Variants in KAT6B observed in about 807,000 individuals in gnomAD.
KAT6B encodes the protein lysine acetyltransferase 6B.
Under a neutral mutation model 187.5 loss-of-function variants are expected in KAT6B, and 10 were observed. The ratio of observed to expected loss-of-function variants is 0.05; its 90% CI spans 0.03 to 0.09. The LOEUF is 0.09. KAT6B is among the 10% of genes least tolerant of loss of function. The pLI is 1.00. For missense variants in KAT6B, 1,952 were observed against 2,558.9 expected (o/e 0.76, Z 5.12); for synonymous variants, 861 against 926.8 (o/e 0.93, Z 1.29).
At chr10:74,949,785 T>C (rs1301901076) in intron 3 of KAT6B, among the ~76,000 whole-genome samples, 1 of 152,242 alleles carries the variant, frequency 6.6e-6, no homozygotes, top group African/African-American at 2.4e-5. Context: ...TGTTTCTAAA[T>C]GATTTCTTTA....
chr10:74,865,820 G>A (rs372376161), intron 3 of KAT6B, among the ~76,000 whole-genome samples: 43 of 152,256 alleles, frequency 2.8e-4, no homozygotes, highest in African/African-American at 1.0e-3. Flanking sequence ...CCCAGCCCCT[G>A]TATTATTTTC....
chr10:74,901,029 TAAATATCTTTTACACTTA>T (rs1260890292), intron 3 of KAT6B, among the ~76,000 whole-genome samples: 4 of 152,096 alleles, frequency 2.6e-5, no homozygotes, highest in Non-Finnish European at 5.9e-5. Flanking sequence ...TATAAAATCT[TAAATATCTTTTACACTTA>T]AAATATCTTT....
In KAT6B at chr10:75,029,294, G is replaced by A; in HGVS notation, c.4470G>A (p.Lys1490=). 1 of 1,614,138 alleles carries A rather than the reference G, an allele frequency of 6.2e-7. No individual in the cohort carries two copies. The highest frequency in any genetic ancestry group is 8.5e-7 in the Non-Finnish European group (1 of 1,180,020). Residue 1490 remains lysine (K), a synonymous_variant, in exon 18 of 18, where the codon AAG becomes AAA. Coordinates refer to ENST00000287239, the MANE Select transcript of KAT6B (RefSeq NM_012330.4). The surrounding 1 kb of genome is among the most constrained non-coding windows in gnomAD (Gnocchi z 6.2). ...CAGCTTCTTGTAACAGTGAGCCCAAGGAGCTTGCTGGGGACCCTGAAGCTG... is the reference window on the plus strand; with the variant it reads ...CAGCTTCTTGTAACAGTGAGCCCAAAGAGCTTGCTGGGGACCCTGAAGCTG... ...DLTASCNSEP[K]ELAGDPEAVP... is the part of the protein sequence containing the mutation.
rs1845791382 is a variant in KAT6B, at chr10:74,893,633, C to A, written c.621+50155C>A. Among the ~76,000 whole-genome samples, 5 of 151,964 alleles carry A rather than the reference C, an allele frequency of 3.3e-5. No individual in the cohort carries two copies. The South Asian group carries it at 1.0e-3, about 32-fold the overall frequency. On this transcript the variant is annotated intron_variant, in intron 3 of 17. Coordinates refer to ENST00000287239, the MANE Select transcript of KAT6B (RefSeq NM_012330.4). Reference sequence around the variant, plus strand: ...TACAGGCATGCACCACCACGCCCAGCTAATTTTTGTATTTTTAATAGAGAT... The same window carrying A: ...TACAGGCATGCACCACCACGCCCAGATAATTTTTGTATTTTTAATAGAGAT...
At chr10:74,870,682 G>T (rs1231735666) in intron 3 of KAT6B, among the ~76,000 whole-genome samples, 1 of 151,814 alleles carries the variant, frequency 6.6e-6, no homozygotes, top group Non-Finnish European at 1.5e-5. Context: ...GGGTTCAGGC[G>T]ATTCTCCTGC....
chr10:74,922,492 T>C (rs959284278), intron 3 of KAT6B, among the ~76,000 whole-genome samples: 1 of 152,188 alleles, frequency 6.6e-6, no homozygotes, highest in African/African-American at 2.4e-5. Context: ...AGCATACCAG[T>C]GTGCTCTTTA....
intron 3 of KAT6B, among the ~76,000 whole-genome samples, chr10:74,881,297 A>G (rs549278176): frequency 1.3e-5 from 2 of 152,160 alleles, no homozygotes; most frequent in South Asian, 4.1e-4. Flanking sequence ...TCGTTTTTCT[A>G]AGATTTGGGG....
Position 74,981,732 on chromosome 10 carries a change from TC to T in KAT6B, c.2232-49del, listed in dbSNP as rs966892893. 8.1e-6 allele frequency: 10 copies of T among 1,237,428 alleles called. No individual in the cohort carries two copies. The African/African-American group carries it at 8.9e-5, about 11-fold the overall frequency. The allele number at this position is 1,237,428 out of a possible 1,614,324, so 76.7% of individuals were successfully genotyped here. ...GAGAAAATTGAACAATATTTAATCT[TC>T]CCCCCAACAGTATAATCTATCTGAT... On this transcript the variant is annotated intron_variant, in intron 10 of 17. Coordinates refer to ENST00000287239, the MANE Select transcript of KAT6B (RefSeq NM_012330.4).
intron 3 of KAT6B, among the ~76,000 whole-genome samples, chr10:74,921,772 T>C (rs1848153519): frequency 6.6e-6 from 1 of 152,240 alleles, no homozygotes; most frequent in Non-Finnish European, 1.5e-5. Flanking sequence ...GGTTGTCAGA[T>C]TGACCTGATT....
chr10:75,008,175 A>C (rs939667903), intron 13 of KAT6B, among the ~76,000 whole-genome samples: 1 of 152,234 alleles, frequency 6.6e-6, no homozygotes, highest in African/African-American at 2.4e-5. Flanking sequence ...GATGGAGTAC[A>C]GAGAAAATAT....
rs138903272 is a variant in KAT6B, at chr10:74,857,978, G to A, written c.621+14500G>A. Among the ~76,000 whole-genome samples, 393 of 152,096 alleles carry A rather than the reference G, an allele frequency of 2.6e-3. 1 individual carries two copies. Among genetic ancestry groups the A allele is most frequent in the African/African-American group, 8.0e-3 (331 of 41,476 alleles). On this transcript the variant is annotated intron_variant, in intron 3 of 17. Coordinates refer to ENST00000287239, the MANE Select transcript of KAT6B (RefSeq NM_012330.4). ...TTGAGGCTGTAAGTGAGCTATGATC[G>A]TGCCACTGCACTCTAGCCTGGGCGA... is the stretch of plus-strand genomic sequence containing the variant.
intron 3 of KAT6B, among the ~76,000 whole-genome samples, chr10:74,955,708 T>G (rs1242268765): frequency 6.6e-6 from 1 of 152,110 alleles, no homozygotes; most frequent in Admixed American, 6.6e-5. Flanking sequence ...AACGAAGATA[T>G]TCTCCTACAT....
chr10:74,882,174 T>C (rs540924792), intron 3 of KAT6B, among the ~76,000 whole-genome samples: 151 of 152,364 alleles, frequency 9.9e-4, no homozygotes, highest in African/African-American at 3.4e-3. Flanking sequence ...TTCAAGATTT[T>C]CCCTGCTGTC....
chr10:74,845,521 CA>C (rs71024526), intron 3 of KAT6B, among the ~76,000 whole-genome samples: 19,325 of 64,156 alleles, frequency 0.3, 1,310 homozygotes, highest in African/African-American at 0.47. Context: ...GACTCTGTCT[CA>C]AAAAAAAAAA....
intron 3 of KAT6B, among the ~76,000 whole-genome samples, chr10:74,932,315 A>C (rs1413153725): frequency 6.6e-6 from 1 of 152,214 alleles, no homozygotes; most frequent in African/African-American, 2.4e-5. Flanking sequence ...AACTATAGTT[A>C]TCCCCATTTC....
chr10:74,895,359 T>A (rs1845914027), intron 3 of KAT6B, among the ~76,000 whole-genome samples: 1 of 140,430 alleles, frequency 7.1e-6, no homozygotes, highest in South Asian at 2.4e-4. Context: ...TGCCCTTTAA[T>A]CATATTATTA....
chr10:75,004,142 A>G (rs528847062), intron 13 of KAT6B, among the ~76,000 whole-genome samples: 2 of 152,212 alleles, frequency 1.3e-5, no homozygotes, highest in South Asian at 4.1e-4. Flanking sequence ...GAAATCCACT[A>G]CTGGACAAAT....
Position 75,022,213 on chromosome 10 carries a change from A to G in KAT6B, c.3354A>G (p.Ser1118=). Reference sequence around the variant, plus strand: ...CCCCAAGATTGACGAAACCACAGTCAGTTGCCATAAAGAGAAAGGTAGGTG... The same window carrying G: ...CCCCAAGATTGACGAAACCACAGTCGGTTGCCATAAAGAGAAAGGTAGGTG... ...SSPPRLTKPQ[S]VAIKRKRPFV... is the part of the protein sequence containing the mutation. Residue 1118 remains serine (S), a synonymous_variant, in exon 16 of 18, where the codon TCA becomes TCG. Coordinates refer to ENST00000287239, the MANE Select transcript of KAT6B (RefSeq NM_012330.4). The G allele has an allele frequency of 6.2e-7, 1 of 1,613,232 alleles. No individual in the cohort carries two copies. Among genetic ancestry groups the G allele is most frequent in the Non-Finnish European group, 8.5e-7 (1 of 1,180,030 alleles).
At chr10:75,005,288 G>A (rs946928144) in intron 13 of KAT6B, among the ~76,000 whole-genome samples, 1 of 151,316 alleles carries the variant, frequency 6.6e-6, no homozygotes, top group African/African-American at 2.4e-5. Flanking sequence ...CACGATCTCA[G>A]CTCACTGCAG....
Sources: gnomAD v4.1 joint callset for allele counts (sites outside exome capture counted in the v4.1 genomes callset) on GRCh38, gnomAD v4.1.1 for gene constraint, Gnocchi (gnomAD v3.1) non-coding constraint, MANE v1.5 for transcripts, NCBI Gene and HGNC (gene_info 2026-07-23, HGNC 2026-07-21) for gene names.